Variants in FAM217B observed in about 807,000 individuals in gnomAD.
FAM217B encodes the protein family with sequence similarity 217 member B.
For synonymous variants in FAM217B, 163 were observed against 173.0 expected, an observed-to-expected ratio of 0.94 and a Z score of 0.45; for missense variants, 463 against 456.9, an observed-to-expected ratio of 1.01 and a Z score of -0.12.
upstream of FAM217B, chr20:59,939,505 A>C (rs1237038658): frequency 1.2e-6 from 2 of 1,612,104 alleles, no homozygotes; most frequent in Admixed American, 3.3e-5. Flanking sequence ...TGGCTGCTGC[A>C]GCACAGGTCC....
chr20:59,940,836 C>G (rs868575260), intron 1 of FAM217B, among the ~76,000 whole-genome samples: 4 of 152,262 alleles, frequency 2.6e-5, no homozygotes, highest in Middle Eastern at 3.4e-3. Context: ...AATGCTTTGC[C>G]GCACCGAATG....
chr20:59,941,911 G>C (rs2060907683), intron 1 of FAM217B, among the ~76,000 whole-genome samples: 1 of 151,624 alleles, frequency 6.6e-6, no homozygotes, highest in Non-Finnish European at 1.5e-5. Flanking sequence ...TGTGTGAACA[G>C]GGAGAGAGAG....
upstream of FAM217B, chr20:59,938,932 G>A: frequency 5.9e-6 from 7 of 1,191,296 alleles, no homozygotes; most frequent in South Asian, 1.5e-4. Flanking sequence ...GGACTTGGAG[G>A]GTGGTGAAGA....
At chr20:59,935,560 G>A (rs183241807), upstream of FAM217B, among the ~76,000 whole-genome samples, 12 of 152,284 alleles carry the variant, frequency 7.9e-5, 1 homozygote, top group East Asian at 2.3e-3. Context: ...TTGAGGCCAG[G>A]AATTTGAAAC....
At chr20:59,937,052 G>A (rs2060866875), upstream of FAM217B, 1 of 152,550 alleles carries the variant, frequency 6.6e-6, no homozygotes, top group African/African-American at 2.4e-5. Context: ...ATTTCATAAT[G>A]TTGGTATTTT....
rs961485692 is a variant in FAM217B, at chr20:59,944,419, C to T, written c.476C>T (p.Ala159Val). ...PFSSWDLRDM[A>V]LLLNAENKTE... ...AGCTCCTGGGACCTACGAGATATGG[C>T]CCTGCTTCTGAACGCAGAGAACAAA... Residue 159 changes from alanine to valine, a missense_variant, in exon 4 of 4, where the codon GCC becomes GTC. Physicochemically the swap from Ala to Val is moderately conservative, Grantham distance 64. Coordinates refer to ENST00000360816, the MANE Select transcript of FAM217B (RefSeq NM_022106.3). 6.2e-7 allele frequency: 1 copy of T among 1,614,036 alleles called. No homozygotes were observed. The highest frequency in any genetic ancestry group is 1.7e-5 in the Admixed American group (1 of 60,006).
At chr20:59,939,257 C>T (rs1040588449), upstream of FAM217B, 2 of 1,611,944 alleles carry the variant, frequency 1.2e-6, no homozygotes, top group Admixed American at 1.7e-5. Flanking sequence ...GGCCTGCGGG[C>T]CCGCGCCACC....
rs2060947623 is a variant in FAM217B, at chr20:59,948,050, AAAAAGAAAAAG to A, written c.*2960_*2970del. On this transcript the variant is annotated 3_prime_UTR_variant, in exon 4 of 4. Coordinates refer to ENST00000360816, the MANE Select transcript of FAM217B (RefSeq NM_022106.3). Reference sequence around the variant, plus strand: ...TCCAAGTTTCTTTAAAAAAAAAAAGAAAAAGAAAAAGAAAAAGAAAAATATTTTAGGCTTAG... The same window carrying A: ...TCCAAGTTTCTTTAAAAAAAAAAAGAAAAAAGAAAAATATTTTAGGCTTAG... The A allele has an allele frequency of 1.5e-5, 2 of 137,154 alleles. No individual in the cohort carries two copies. The highest frequency in any genetic ancestry group is 7.2e-5 in the African/African-American group (2 of 27,638). The allele number at this position is 137,154 out of a possible 1,614,324, so 8.5% of individuals were successfully genotyped here.
In FAM217B at chr20:59,947,560, C is replaced by T. The variant is rs2060944192; in HGVS notation, c.*2465C>T. The T allele has an allele frequency of 6.0e-6, 1 of 166,798 alleles. No homozygotes were observed. The highest frequency in any genetic ancestry group is 2.4e-5 in the African/African-American group (1 of 41,382). The allele number at this position is 166,798 out of a possible 1,614,324, so 10.3% of individuals were successfully genotyped here. On this transcript the variant is annotated 3_prime_UTR_variant, in exon 4 of 4. Coordinates refer to ENST00000360816, the MANE Select transcript of FAM217B (RefSeq NM_022106.3). The stretch of plus-strand genomic sequence containing the variant: ...AGTAACGCCTCATAATATTTGTTCC[C>T]AGCTTTTTAAATTGAAGCTGGTTGC...
upstream of FAM217B, chr20:59,939,398 G>A (rs980601297): frequency 4.3e-6 from 7 of 1,610,432 alleles, no homozygotes; most frequent in Admixed American, 6.7e-5. Flanking sequence ...CACGCTCCAG[G>A]CACACGAGCT....
rs990062327 is a variant in FAM217B, at chr20:59,944,315, A to G, written c.372A>G (p.Pro124=). 2.5e-6 allele frequency: 4 copies of G among 1,614,168 alleles called. No homozygotes were observed. Among genetic ancestry groups the G allele is most frequent in the Non-Finnish European group, 2.5e-6 (3 of 1,180,034 alleles). ...ATCTTCGAGCTGAAGAAATTGATCC[A>G]GTTTACTTTGATCTTCACCCTGGTC... is the stretch of plus-strand genomic sequence containing the variant. ...DLNLRAEEID[P]VYFDLHPGQG... is the part of the protein sequence containing the mutation. The change falls in exon 4 of 4, where the codon CCA becomes CCG. Residue 124 remains proline (P), a synonymous_variant. Coordinates refer to ENST00000360816, the MANE Select transcript of FAM217B (RefSeq NM_022106.3).
In FAM217B at chr20:59,948,659, C is replaced by T. The variant is rs2060951901; in HGVS notation, c.*3564C>T. On this transcript the variant is annotated 3_prime_UTR_variant, in exon 4 of 4. Transcript: ENST00000360816. ...TTCTCCTTCCTTGAGATCAATTAAACAGCAGAAAAATATTGTCTGGATTTT... is the reference window on the plus strand; with the variant it reads ...TTCTCCTTCCTTGAGATCAATTAAATAGCAGAAAAATATTGTCTGGATTTT... 6.0e-6 allele frequency: 1 copy of T among 166,836 alleles called. No individual in the cohort carries two copies. The highest frequency in any genetic ancestry group is 2.4e-5 in the African/African-American group (1 of 41,406). The allele number at this position is 166,836 out of a possible 1,614,324, so 10.3% of individuals were successfully genotyped here. A position where few individuals can be genotyped will look rare whatever the true frequency, so the allele number is the denominator to read the frequency against.
At chr20:59,939,991 C>G, upstream of FAM217B, 3 of 1,220,246 alleles carry the variant, frequency 2.5e-6, no homozygotes, top group Non-Finnish European at 3.1e-6. Flanking sequence ...GACCCCGCGA[C>G]AGCTCCCTCC....
intron 1 of FAM217B, among the ~76,000 whole-genome samples, chr20:59,941,541 C>T (rs916624705): frequency 6.6e-6 from 1 of 152,116 alleles, no homozygotes; most frequent in African/African-American, 2.4e-5. Context: ...CCATTCAGTG[C>T]ACTTTTAATA....
upstream of FAM217B, among the ~76,000 whole-genome samples, chr20:59,935,661 C>T (rs200281256): frequency 5.3e-5 from 8 of 152,286 alleles, no homozygotes; most frequent in East Asian, 3.9e-4. Flanking sequence ...AGCTGCTCTA[C>T]GCCGGAGGCT....
chr20:59,943,539 C>T (rs564764762), intron 3 of FAM217B, among the ~76,000 whole-genome samples: 52 of 151,992 alleles, frequency 3.4e-4, no homozygotes, highest in Non-Finnish European at 6.5e-4. Flanking sequence ...GTTTTTACTT[C>T]TGAATGTTAT....
upstream of FAM217B, among the ~76,000 whole-genome samples, chr20:59,936,315 A>G (rs1035372598): frequency 2.6e-5 from 4 of 152,210 alleles, no homozygotes; most frequent in African/African-American, 9.6e-5. Flanking sequence ...TTCAGCTAAG[A>G]AAAAGGGGAT....
At chr20:59,936,072 C>G (rs1425943507), upstream of FAM217B, among the ~76,000 whole-genome samples, 1 of 152,160 alleles carries the variant, frequency 6.6e-6, no homozygotes. Context: ...CTACACACCT[C>G]AGGTATATAT....
upstream of FAM217B, chr20:59,939,446 G>T: frequency 6.2e-7 from 1 of 1,611,662 alleles, no homozygotes; most frequent in Non-Finnish European, 8.5e-7. Context: ...CGGCCTCGAC[G>T]GGCGGCGGGA....
Sources: allele counts gnomAD v4.1 joint callset (sites outside exome capture counted in the v4.1 genomes callset), GRCh38; gene constraint gnomAD v4.1.1; transcripts MANE v1.5; gene names NCBI Gene and HGNC (gene_info 2026-07-23, HGNC 2026-07-21).